Variants in DLG2 observed in about 807,000 individuals in gnomAD.
DLG2 encodes the protein discs large MAGUK scaffold protein 2, also known as disks large homolog 2.
In DLG2, 45 loss-of-function variants were observed where a neutral mutation model predicts 132.5. The ratio of observed to expected loss-of-function variants is 0.34; its 90% CI spans 0.27 to 0.44. The LOEUF (loss-of-function observed/expected upper bound fraction) is 0.44, where lower values mean the gene tolerates loss of function less well. Ranked by LOEUF, DLG2 falls within the 20% of genes least tolerant of loss-of-function variation. The pLI, the probability that DLG2 is intolerant of heterozygous loss-of-function variation, is 1.00. For synonymous variants in DLG2, 424 were observed against 419.6 expected (o/e 1.01, Z -0.13); for missense variants, 1,045 against 1,196.9 (o/e 0.87, Z 1.87).
At chr11:84,004,058 T>G (rs1426574306) in intron 11 of DLG2, among the ~76,000 whole-genome samples, 1 of 151,882 alleles carries the variant, frequency 6.6e-6, no homozygotes. Context: ...CCATAAAAAT[T>G]GAAGAGAAAG....
chr11:83,625,347 C>G (rs2062335061), intron 19 of DLG2, among the ~76,000 whole-genome samples: 1 of 152,224 alleles, frequency 6.6e-6, no homozygotes, highest in South Asian at 2.1e-4. Context: ...AGTGAAGAAT[C>G]CTGCCATTCC....
At chr11:84,257,679 A>ATTTTT (rs1172548999) in intron 7 of DLG2, among the ~76,000 whole-genome samples, 15 of 105,912 alleles carry the variant, frequency 1.4e-4, no homozygotes, top group African/African-American at 1.8e-4. Flanking sequence ...TTATCTCTGG[A>ATTTTT]TTTTTTTTTT....
intron 9 of DLG2, among the ~76,000 whole-genome samples, chr11:84,122,274 C>A (rs942706306): frequency 6.6e-6 from 1 of 152,032 alleles, no homozygotes; most frequent in South Asian, 2.1e-4. Flanking sequence ...GAGCCAAGAT[C>A]GCGTCACTGC....
chr11:85,566,547 G>A (rs1463397249), intron 3 of DLG2, among the ~76,000 whole-genome samples: 1 of 152,052 alleles, frequency 6.6e-6, no homozygotes, highest in African/African-American at 2.4e-5. Flanking sequence ...AGGTTCTGAT[G>A]AGGGCTCTCT....
chr11:84,064,889 G>A (rs2096647875), intron 10 of DLG2, among the ~76,000 whole-genome samples: 1 of 152,100 alleles, frequency 6.6e-6, no homozygotes, highest in Non-Finnish European at 1.5e-5. Context: ...CACTGGAACA[G>A]AATAGGGAAT....
intron 3 of DLG2, among the ~76,000 whole-genome samples, chr11:85,470,588 T>C (rs1316144467): frequency 6.6e-6 from 1 of 152,028 alleles, no homozygotes; most frequent in Admixed American, 6.6e-5. Flanking sequence ...CTGGGCATGG[T>C]GTTGCATTCC....
At chr11:84,642,087 T>C (rs1034334793) in intron 6 of DLG2, among the ~76,000 whole-genome samples, 6 of 137,142 alleles carry the variant, frequency 4.4e-5, no homozygotes, top group Non-Finnish European at 7.7e-5. Context: ...TGTGTGTATA[T>C]GTAGAGTGTG....
intron 6 of DLG2, among the ~76,000 whole-genome samples, chr11:84,870,018 T>C (rs941046137): frequency 6.6e-6 from 1 of 152,220 alleles, no homozygotes; most frequent in Non-Finnish European, 1.5e-5. Flanking sequence ...TCCTGGTTTA[T>C]TGCATGGGTT....
intron 4 of DLG2, among the ~76,000 whole-genome samples, chr11:85,249,346 C>A (rs1410342061): frequency 6.6e-6 from 1 of 151,846 alleles, no homozygotes; most frequent in Non-Finnish European, 1.5e-5. Flanking sequence ...GTATGATCAT[C>A]ATTTTAGCCT....
rs111427493 is a variant in DLG2 at position 85,439,106 on chromosome 11, C to G, written c.41-153741G>C. On this transcript the variant is annotated intron_variant, in intron 3 of 27. Transcript: ENST00000376104. Reference sequence around the variant, plus strand: ...TGTTCACCTACTGAATGAGCTGGTTCCAGATTTTGGCTATTAAAAATAAAC... The same window carrying G: ...TGTTCACCTACTGAATGAGCTGGTTGCAGATTTTGGCTATTAAAAATAAAC... 3.7e-3 allele frequency among the ~76,000 whole-genome samples: 560 copies of G among 152,198 alleles called. 4 individuals carry two copies. The highest frequency in any genetic ancestry group is 0.013 in the African/African-American group (536 of 41,528).
chr11:85,063,300 T>G (rs1256835676), intron 6 of DLG2, among the ~76,000 whole-genome samples: 1 of 151,880 alleles, frequency 6.6e-6, no homozygotes, highest in Non-Finnish European at 1.5e-5. Context: ...CTCAGAGTTT[T>G]GAGTCTGTTT....
chr11:84,570,003 T>G (rs1375778227), intron 6 of DLG2, among the ~76,000 whole-genome samples: 2 of 152,084 alleles, frequency 1.3e-5, no homozygotes, highest in African/African-American at 4.8e-5. Context: ...ATGGGTGAGG[T>G]GGGGTGGTGA....
chr11:85,514,778 A>G (rs1422433727), intron 3 of DLG2, among the ~76,000 whole-genome samples: 1 of 151,842 alleles, frequency 6.6e-6, no homozygotes, highest in Admixed American at 6.6e-5. Context: ...TCTTGGTTTC[A>G]GTGTATCTGA....
rs550904627 is a variant in DLG2 at position 84,836,869 on chromosome 11, T to C, written c.357+274792A>G. On this transcript the variant is annotated intron_variant, in intron 6 of 27. Coordinates refer to ENST00000376104, the MANE Select transcript of DLG2 (RefSeq NM_001142699.3). ...CAGTGTCCATAAAGCATATACTTTT[T>C]TTTATTACACTTTCAGTTTTAGGGT... 7.2e-5 allele frequency among the ~76,000 whole-genome samples: 11 copies of C among 152,032 alleles called. No individual in the cohort carries two copies. The East Asian group carries it at 1.4e-3, about 19-fold the overall frequency.
At chr11:85,099,524 ATTAC>A (rs1266007333) in intron 6 of DLG2, among the ~76,000 whole-genome samples, 10 of 152,196 alleles carry the variant, frequency 6.6e-5, no homozygotes, top group Non-Finnish European at 1.5e-4. Flanking sequence ...TGTAATAATT[ATTAC>A]TAAGAGTATA....
intron 6 of DLG2, among the ~76,000 whole-genome samples, chr11:84,539,217 A>T (rs546821164): frequency 6.6e-6 from 1 of 152,202 alleles, no homozygotes; most frequent in Non-Finnish European, 1.5e-5. Flanking sequence ...ACATACCTGG[A>T]AAGTGGCAAA....
chr11:84,939,319 T>C (rs975568486), intron 6 of DLG2, among the ~76,000 whole-genome samples: 1 of 152,216 alleles, frequency 6.6e-6, no homozygotes, highest in African/African-American at 2.4e-5. Flanking sequence ...AGATACCTTA[T>C]AGAGACATAC....
chr11:84,802,360 G>A (rs756301932), intron 6 of DLG2, among the ~76,000 whole-genome samples: 18 of 151,588 alleles, frequency 1.2e-4, no homozygotes, highest in Non-Finnish European at 2.1e-4. Flanking sequence ...GAAGCACTCC[G>A]GAACCCAGCA....
chr11:85,038,021 G>C (rs1156827477), intron 6 of DLG2, among the ~76,000 whole-genome samples: 1 of 151,942 alleles, frequency 6.6e-6, no homozygotes, highest in Non-Finnish European at 1.5e-5. Context: ...TAGGAATCTG[G>C]GTCCCCTTAC....
Sources: allele counts gnomAD v4.1 joint callset (sites outside exome capture counted in the v4.1 genomes callset), GRCh38; gene constraint gnomAD v4.1.1; transcripts MANE v1.5; gene names NCBI Gene and HGNC (gene_info 2026-07-23, HGNC 2026-07-21).